The following ANK2 variants were observed in gnomAD, a reference collection of about 807,000 sequenced individuals.
The protein encoded by ANK2 is ankyrin-2.
In ANK2, 83 loss-of-function variants were observed where a neutral mutation model predicts 360.5. The ratio of observed to expected loss-of-function variants is 0.23; its 90% CI spans 0.19 to 0.28. The LOEUF is 0.28. Among genes scored for constraint, ANK2 ranks in the 10% least tolerant of loss-of-function variants. The probability of loss-of-function intolerance (pLI) is 1.00; values close to 1 mark genes in which losing one functional copy is unlikely to be tolerated. For missense variants in ANK2, 4,201 were observed against 4,795.7 expected (o/e 0.88, Z 3.66); for synonymous variants, 1,740 against 1,759.5 (o/e 0.99, Z 0.28).
intron 1 of ANK2, among the ~76,000 whole-genome samples, chr4:113,141,794 T>C (rs564643867): frequency 2.6e-4 from 39 of 152,326 alleles, no homozygotes; most frequent in African/African-American, 9.1e-4. Flanking sequence ...TTTGCTGTCA[T>C]AGGGACTTCA....
At chr4:112,921,336 T>C (rs1314073861) in intron 2 of ANK2, among the ~76,000 whole-genome samples, 1 of 151,968 alleles carries the variant, frequency 6.6e-6, no homozygotes, top group Non-Finnish European at 1.5e-5. Context: ...ATTCTGTGTA[T>C]TATTTTCTTA....
chr4:113,141,708 A>G (rs1207413941), intron 1 of ANK2, among the ~76,000 whole-genome samples: 1 of 152,164 alleles, frequency 6.6e-6, no homozygotes, highest in Non-Finnish European at 1.5e-5. Flanking sequence ...CCAAGGTGTT[A>G]GTTTCCTGAT....
intron 1 of ANK2, among the ~76,000 whole-genome samples, chr4:113,072,198 C>T (rs2154341119): frequency 6.6e-6 from 1 of 152,280 alleles, no homozygotes. Context: ...TTGCCATTAC[C>T]CTATAGATAT....
chr4:112,742,925 CA>C, the ANK2 span, among the ~76,000 whole-genome samples: 1 of 152,080 alleles, frequency 6.6e-6, no homozygotes, highest in Non-Finnish European at 1.5e-5. Flanking sequence ...GGGGTTTCAC[CA>C]TGTTGGTCAG....
At chr4:112,972,272 A>G (rs1222314505) in intron 2 of ANK2, among the ~76,000 whole-genome samples, 1 of 152,118 alleles carries the variant, frequency 6.6e-6, no homozygotes, top group Non-Finnish European at 1.5e-5. Flanking sequence ...GGTTTGCCAC[A>G]CCTATCAACC....
At chr4:112,889,763 G>A (rs796278937) in intron 1 of ANK2, among the ~76,000 whole-genome samples, 3 of 152,110 alleles carry the variant, frequency 2.0e-5, no homozygotes, top group African/African-American at 4.8e-5. Context: ...CCAGCTGTTC[G>A]AGAATTGCTA....
At chr4:113,202,196 G>C (rs2098839182) in intron 4 of ANK2, among the ~76,000 whole-genome samples, 1 of 151,970 alleles carries the variant, frequency 6.6e-6, no homozygotes, top group African/African-American at 2.4e-5. Context: ...AATACATGAG[G>C]GTTGATTATT....
At chr4:113,140,254 G>A (rs566152225) in intron 1 of ANK2, among the ~76,000 whole-genome samples, 7 of 152,246 alleles carry the variant, frequency 4.6e-5, no homozygotes, top group African/African-American at 1.4e-4. Context: ...TGTCGGCATC[G>A]AGAATTCTGC....
At chr4:112,827,203 C>G in intron 1 of ANK2, 1 of 1,171,154 alleles carries the variant, frequency 8.5e-7, no homozygotes, top group Non-Finnish European at 1.3e-6. Context: ...CCTCAAATTT[C>G]TTGAAAAGCT....
chr4:112,914,116 GGT>G (rs1390048626), intron 2 of ANK2, among the ~76,000 whole-genome samples: 1 of 152,042 alleles, frequency 6.6e-6, no homozygotes, highest in African/African-American at 2.4e-5. Flanking sequence ...TCATATCAGT[GGT>G]GGTTCAAGTA....
intron 7 of ANK2, 40 bp downstream of exon 7, chr4:113,237,662 A>C: frequency 6.4e-7 from 1 of 1,554,882 alleles, no homozygotes; most frequent in Non-Finnish European, 8.9e-7. Flanking sequence ...CCTTGTCTTT[A>C]TTTTTAGTTT....
the ANK2 span, among the ~76,000 whole-genome samples, chr4:112,736,348 G>T: frequency 3.3e-5 from 5 of 151,606 alleles, no homozygotes; most frequent in Non-Finnish European, 7.4e-5. Context: ...CTATATAGTC[G>T]CAGCTACTTG....
At chr4:113,264,637 G>A (rs537884011) in intron 13 of ANK2, among the ~76,000 whole-genome samples, 3 of 151,678 alleles carry the variant, frequency 2.0e-5, no homozygotes, top group South Asian at 2.1e-4. Context: ...CAAGAGAATC[G>A]CTTGAACCCT....
intron 1 of ANK2, among the ~76,000 whole-genome samples, chr4:113,143,640 T>TTTA (rs2096725339): frequency 6.6e-6 from 1 of 152,156 alleles, no homozygotes; most frequent in African/African-American, 2.4e-5. Context: ...TGGTTGGCAT[T>TTTA]CTTTGTTTTG....
intron 1 of ANK2, among the ~76,000 whole-genome samples, chr4:113,108,224 G>A (rs566676311): frequency 6.6e-6 from 1 of 152,244 alleles, no homozygotes; most frequent in African/African-American, 2.4e-5. Flanking sequence ...AAAGACACTT[G>A]CAAAACAATC....
At chr4:113,171,341 G>T (rs901937236) in intron 1 of ANK2, among the ~76,000 whole-genome samples, 2 of 152,038 alleles carry the variant, frequency 1.3e-5, no homozygotes, top group African/African-American at 4.8e-5. Flanking sequence ...CTCATTGTAG[G>T]GTACGATGTG....
intron 1 of ANK2, among the ~76,000 whole-genome samples, chr4:112,901,591 T>C (rs897809198): frequency 6.6e-6 from 1 of 152,116 alleles, no homozygotes; most frequent in African/African-American, 2.4e-5. Flanking sequence ...AGCCCAGCCA[T>C]GGTGGCTCTG....
At position 112,875,952 on chromosome 4, in the gene ANK2, G is replaced by A. The variant is rs554414294; in HGVS notation, c.-39-28503G>A. On this transcript the variant is annotated intron_variant, in intron 1 of 30. Transcript: ENST00000503271. ...TTTTTTTTTTTAGAGACAAAGTCTC[G>A]CCATGTTTTCCAGGCTGGTCTTGAA... is the stretch of plus-strand genomic sequence containing the variant. Among the ~76,000 whole-genome samples, 31 of 143,364 alleles carry A rather than the reference G, an allele frequency of 2.2e-4. 1 individual carries two copies. Among genetic ancestry groups the A allele is most frequent in the Non-Finnish European group, 3.5e-4 (23 of 66,162 alleles). 94.1% of individuals were successfully genotyped at this position (143,364 alleles called of 152,430 possible).
At chr4:112,935,888 A>G (rs910169781) in intron 2 of ANK2, among the ~76,000 whole-genome samples, 4 of 152,124 alleles carry the variant, frequency 2.6e-5, no homozygotes, top group Non-Finnish European at 5.9e-5. Flanking sequence ...AACCAAGAAT[A>G]TAGAAATATA....
Sources: allele counts gnomAD v4.1 joint callset (sites outside exome capture counted in the v4.1 genomes callset), GRCh38; gene constraint gnomAD v4.1.1; transcripts MANE v1.5; gene names NCBI Gene and HGNC (gene_info 2026-07-23, HGNC 2026-07-21).